The following SLC24A3 variants were observed in gnomAD, a reference collection of about 807,000 sequenced individuals.
SLC24A3 encodes sodium/potassium/calcium exchanger 3.
A neutral mutation model predicts 75.8 loss-of-function variants in SLC24A3; 28 were observed. The ratio of observed to expected loss-of-function variants is 0.37; its 90% CI spans 0.27 to 0.51. The LOEUF is 0.51. Ranked by LOEUF, SLC24A3 falls within the 20% of genes least tolerant of loss-of-function variation. The pLI, the probability that SLC24A3 is intolerant of heterozygous loss-of-function variation, is 0.94. For missense variants in SLC24A3, 663 were observed against 847.8 expected (o/e 0.78, Z 2.71); for synonymous variants, 372 against 334.1 (o/e 1.11, Z -1.24).
At chr20:19,573,148 C>T (rs2209567) in intron 3 of SLC24A3, among the ~76,000 whole-genome samples, 2,671 of 152,240 alleles carry the variant, frequency 0.018, 88 homozygotes, top group African/African-American at 0.061. Flanking sequence ...CTGTGAAAAC[C>T]GCTGACTGTC....
At chr20:19,669,886 A>G (rs1325763119) in intron 8 of SLC24A3, among the ~76,000 whole-genome samples, 1 of 152,146 alleles carries the variant, frequency 6.6e-6, no homozygotes, top group East Asian at 1.9e-4. Flanking sequence ...AAATGATTCA[A>G]AATGGAAGCC....
intron 2 of SLC24A3, among the ~76,000 whole-genome samples, chr20:19,308,726 G>A (rs534593476): frequency 6.6e-6 from 1 of 152,178 alleles, no homozygotes; most frequent in African/African-American, 2.4e-5. Flanking sequence ...TTATTTCATC[G>A]TTAAGGAGCC....
intron 9 of SLC24A3, among the ~76,000 whole-genome samples, chr20:19,681,403 G>A (rs1421062768): frequency 1.3e-5 from 2 of 152,194 alleles, no homozygotes; most frequent in African/African-American, 2.4e-5. Flanking sequence ...CACTGTTCCT[G>A]GGGAGTGGTG....
Position 19,264,741 on chromosome 20 carries a change from A to C in SLC24A3, c.143-16218A>C, listed in dbSNP as rs144762782. On this transcript the variant is annotated intron_variant, in intron 1 of 16. Transcript: ENST00000328041. ...GAGACTCCATCTCAAAAAAAAAAAA[A>C]AAAACAAAACAAAAACGTGCAGCCT... 6.8e-4 allele frequency among the ~76,000 whole-genome samples: 103 copies of C among 151,198 alleles called. No homozygotes were observed. In the East Asian group the frequency reaches 0.011, roughly 16 times the overall value.
At chr20:19,677,594 G>A (rs6046238) in intron 9 of SLC24A3, among the ~76,000 whole-genome samples, 41 of 150,586 alleles carry the variant, frequency 2.7e-4, no homozygotes, top group African/African-American at 8.1e-4. Context: ...TTGAAGTCCC[G>A]GACATCATAC....
chr20:19,593,195 T>C (rs2031403882), intron 6 of SLC24A3, among the ~76,000 whole-genome samples: 1 of 150,234 alleles, frequency 6.7e-6, no homozygotes, highest in South Asian at 2.1e-4. Context: ...CAAATGTCAT[T>C]TCTTTCCATG....
intron 1 of SLC24A3, among the ~76,000 whole-genome samples, chr20:19,258,111 C>G (rs969095455): frequency 1.3e-5 from 2 of 152,246 alleles, no homozygotes; most frequent in African/African-American, 4.8e-5. Flanking sequence ...CGTTCCTAAA[C>G]TGGCTTACCT....
At chr20:19,267,787 A>T (rs558155931) in intron 1 of SLC24A3, among the ~76,000 whole-genome samples, 2 of 152,190 alleles carry the variant, frequency 1.3e-5, no homozygotes, top group Non-Finnish European at 2.9e-5. Flanking sequence ...GTTGTTAAAA[A>T]GTCACCTTGA....
At chr20:19,252,642 G>A (rs1044936799) in intron 1 of SLC24A3, among the ~76,000 whole-genome samples, 3 of 126,316 alleles carry the variant, frequency 2.4e-5, no homozygotes, top group African/African-American at 1.0e-4. Flanking sequence ...AATTGGAATG[G>A]CGGGGGGGGG....
chr20:19,385,417 C>G (rs1986255674), intron 2 of SLC24A3, among the ~76,000 whole-genome samples: 1 of 152,144 alleles, frequency 6.6e-6, no homozygotes, highest in African/African-American at 2.4e-5. Context: ...GTTGTGTGTT[C>G]TTGGTACTTT....
chr20:19,578,256 T>C (rs922180171), intron 3 of SLC24A3, among the ~76,000 whole-genome samples: 5 of 151,742 alleles, frequency 3.3e-5, no homozygotes, highest in African/African-American at 1.2e-4. Context: ...CATGGTGTCA[T>C]TTGGGACGTG....
At chr20:19,507,082 A>C (rs1032413132) in intron 2 of SLC24A3, among the ~76,000 whole-genome samples, 1 of 152,230 alleles carries the variant, frequency 6.6e-6, no homozygotes, top group South Asian at 2.1e-4. Flanking sequence ...AAATTAAGTT[A>C]TGCATTTATG....
chr20:19,699,662 A>G (rs1052238321), intron 15 of SLC24A3, among the ~76,000 whole-genome samples: 2 of 152,210 alleles, frequency 1.3e-5, no homozygotes, highest in Non-Finnish European at 2.9e-5. Flanking sequence ...AGCACAGGAT[A>G]TGGGATAAAA....
intron 1 of SLC24A3, among the ~76,000 whole-genome samples, chr20:19,237,348 C>G (rs1019050775): frequency 6.6e-6 from 1 of 152,150 alleles, no homozygotes; most frequent in South Asian, 2.1e-4. Context: ...GTTCCCCTGC[C>G]TCAGCTGCCC....
At chr20:19,219,941 T>C (rs1173844044) in intron 1 of SLC24A3, among the ~76,000 whole-genome samples, 2 of 152,168 alleles carry the variant, frequency 1.3e-5, no homozygotes, top group African/African-American at 4.8e-5. Context: ...GTTATAGGAA[T>C]AGACCCCAAA....
chr20:19,546,701 C>T (rs1320326156), intron 3 of SLC24A3, among the ~76,000 whole-genome samples: 1 of 152,178 alleles, frequency 6.6e-6, no homozygotes, highest in Non-Finnish European at 1.5e-5. Flanking sequence ...GGCATAGTCA[C>T]ATAATACCCT....
At chr20:19,616,837 C>T (rs940630044) in intron 6 of SLC24A3, among the ~76,000 whole-genome samples, 3 of 152,138 alleles carry the variant, frequency 2.0e-5, no homozygotes, top group African/African-American at 4.8e-5. Flanking sequence ...ACTTAGGCAG[C>T]TGAGAACCCC....
chr20:19,632,404 G>A (rs746017470), intron 6 of SLC24A3, among the ~76,000 whole-genome samples: 16 of 152,004 alleles, frequency 1.1e-4, no homozygotes, highest in Non-Finnish European at 2.2e-4. Flanking sequence ...AGCTTCTAGC[G>A]GCCACCTACC....
chr20:19,276,382 T>C (rs1444037145), intron 1 of SLC24A3, among the ~76,000 whole-genome samples: 1 of 152,114 alleles, frequency 6.6e-6, no homozygotes, highest in African/African-American at 2.4e-5. Context: ...CCCTTAACAG[T>C]GGGGATATGT....
Sources: allele counts gnomAD v4.1 joint callset (sites outside exome capture counted in the v4.1 genomes callset), GRCh38; gene constraint gnomAD v4.1.1; transcripts MANE v1.5; gene names NCBI Gene and HGNC (gene_info 2026-07-23, HGNC 2026-07-21).